The following EIF1 variants were observed in gnomAD, a reference collection of about 807,000 sequenced individuals.
EIF1 encodes the protein protein translation factor SUI1 homolog.
Under a neutral mutation model 13.7 loss-of-function variants are expected in EIF1, and 4 were observed. The observed-to-expected ratio is 0.29, with a 90% CI of 0.14 to 0.67. The LOEUF is 0.67. Among genes scored for constraint, EIF1 ranks in the 30% least tolerant of loss-of-function variants. The pLI, the probability that EIF1 is intolerant of heterozygous loss-of-function variation, is 0.77. For synonymous variants in EIF1, 67 were observed against 50.7 expected (o/e 1.32, Z -1.37); for missense variants, 64 against 138.0 (o/e 0.46, Z 2.69).
chr17:41,690,500 C>T (rs1910341033), intron 3 of EIF1: 2 of 548,806 alleles, frequency 3.6e-6, no homozygotes, highest in African/African-American at 1.9e-5. Flanking sequence ...AATGAATTTC[C>T]TGAGTATTAA....
Position 41,692,475 on chromosome 17 carries a change from A to G in EIF1, c.*1649A>G, listed in dbSNP as rs78995515. On this transcript the variant is annotated 3_prime_UTR_variant, in exon 4 of 4. Transcript: ENST00000469257. Reference sequence around the variant, plus strand: ...AAGGCAAAGTTCTTTCAGCACACATATCTGCATGCAGTCACGTGCTGCCTA... The same window carrying G: ...AAGGCAAAGTTCTTTCAGCACACATGTCTGCATGCAGTCACGTGCTGCCTA... The G allele has an allele frequency of 7.7e-4, 117 of 152,284 alleles. 1 individual carries two copies. The highest frequency in any genetic ancestry group is 2.7e-3 in the African/African-American group (113 of 41,548). 9.4% of individuals were successfully genotyped at this position (152,284 alleles called of 1,614,324 possible). A position where few individuals can be genotyped will look rare whatever the true frequency, so the allele number is the denominator to read the frequency against.
Position 41,690,987 on chromosome 17 carries a change from C to G in EIF1, c.*161C>G, listed in dbSNP as rs1484230036. 2.8e-6 allele frequency: 2 copies of G among 705,358 alleles called. No homozygotes were observed. The highest frequency in any genetic ancestry group is 4.8e-6 in the Non-Finnish European group (2 of 415,606). The allele number at this position is 705,358 out of a possible 1,614,324, so 43.7% of individuals were successfully genotyped here. A position where few individuals can be genotyped will look rare whatever the true frequency, so the allele number is the denominator to read the frequency against. ...TAGTGTAACTCCTTCATGCAATAAA[C>G]TGAAAAGAGCCATGCTGTCTAGTCT... On this transcript the variant is annotated 3_prime_UTR_variant, in exon 4 of 4. Transcript: ENST00000469257.
In EIF1 at chr17:41,688,978, C is replaced by A; in HGVS notation, c.-61C>A. 6.3e-7 allele frequency: 1 copy of A among 1,576,610 alleles called. No homozygotes were observed. The highest frequency in any genetic ancestry group is 8.6e-7 in the Non-Finnish European group (1 of 1,162,372). On this transcript the variant is annotated 5_prime_UTR_variant, in exon 1 of 4. Coordinates refer to ENST00000469257, the MANE Select transcript of EIF1 (RefSeq NM_005801.4). ...TCCGTTCCCCCCTGCCCGCCTTCTC[C>A]CGCCACCGCCGCCGCCGCCTTCCGC...
rs1427760911 is a variant in EIF1 at position 41,690,072 on chromosome 17, T to C, written c.196-16T>C. The C allele has an allele frequency of 3.7e-6, 6 of 1,613,788 alleles. No individual in the cohort carries two copies. The highest frequency in any genetic ancestry group is 1.3e-5 in the African/African-American group (1 of 74,942). ...TGCTCTTGCTAGGCCTAATTCGTTT[T>C]CCTTTGTGCTTGCAGAAGTTTGCCT... On this transcript the variant is annotated splice_polypyrimidine_tract_variant and intron_variant, in intron 2 of 3. Coordinates refer to ENST00000469257, the MANE Select transcript of EIF1 (RefSeq NM_005801.4).
chr17:41,690,774 C>CT lies in EIF1; in HGVS notation c.298-4dup. The CT allele has an allele frequency of 6.2e-7, 1 of 1,613,850 alleles. No homozygotes were observed. The highest frequency in any genetic ancestry group is 8.5e-7 in the Non-Finnish European group (1 of 1,179,842). ...CCCATTTAAAACTTTGCCCTTTTGT[C>CT]TTTTCAGATTGGACTGGCTAAGGAC... On this transcript the variant is annotated splice_polypyrimidine_tract_variant and splice_region_variant and intron_variant, in intron 3 of 3. Transcript: ENST00000469257.
rs1910419155 is a variant in EIF1, at chr17:41,692,593, A to G, written c.*1767A>G. ...ACTGTACCTTTTAACATTGTGTTACAATGGCCTACAAGAAGCTTGTGTGGA... is the reference window on the plus strand; with the variant it reads ...ACTGTACCTTTTAACATTGTGTTACGATGGCCTACAAGAAGCTTGTGTGGA... On this transcript the variant is annotated 3_prime_UTR_variant, in exon 4 of 4. Coordinates refer to ENST00000469257, the MANE Select transcript of EIF1 (RefSeq NM_005801.4). The G allele has an allele frequency of 6.6e-6, 1 of 152,206 alleles. No individual in the cohort carries two copies. 9.4% of individuals were successfully genotyped at this position (152,206 alleles called of 1,614,324 possible).
rs1910404044 is a variant in EIF1 at position 41,692,264 on chromosome 17, G to A, written c.*1438G>A. On this transcript the variant is annotated 3_prime_UTR_variant, in exon 4 of 4. Transcript: ENST00000469257. ...GGGCTATAACAAGGGCATTCATGCT[G>A]TGGGTTAAGATCCACAAATCGCTAG... The A allele has an allele frequency of 1.3e-5, 2 of 152,226 alleles. No homozygotes were observed. The highest frequency in any genetic ancestry group is 2.4e-5 in the African/African-American group (1 of 41,464). The allele number at this position is 152,226 out of a possible 1,614,324, so 9.4% of individuals were successfully genotyped here.
At chr17:41,689,979 AT>A (rs1427309555) in intron 2 of EIF1, 38 bp downstream of exon 2, 1 of 1,611,450 alleles carries the variant, frequency 6.2e-7, no homozygotes, top group South Asian at 1.1e-5. Flanking sequence ...GTCATAATGG[AT>A]TTGTCCACAA....
In EIF1 at chr17:41,690,853, T is replaced by C. The variant is rs1369493830; in HGVS notation, c.*27T>C. On this transcript the variant is annotated 3_prime_UTR_variant, in exon 4 of 4. Transcript: ENST00000469257. Reference sequence around the variant, plus strand: ...TGCTTGTGGCTCACTGAAGCTTAAGTGAGGATTTCCTTGCAATGAGTAGAA... The same window carrying C: ...TGCTTGTGGCTCACTGAAGCTTAAGCGAGGATTTCCTTGCAATGAGTAGAA... The C allele has an allele frequency of 2.5e-6, 4 of 1,612,406 alleles. No individual in the cohort carries two copies. The highest frequency in any genetic ancestry group is 2.7e-5 in the African/African-American group (2 of 74,878).
chr17:41,689,118 C>T (rs762006042), intron 1 of EIF1, 49 bp downstream of exon 1: 50 of 1,602,812 alleles, frequency 3.1e-5, no homozygotes, highest in Non-Finnish European at 4.1e-5. Context: ...CGGGGCCTTC[C>T]GGGCCCGGAG....
In EIF1 at chr17:41,690,884, C is replaced by T. The variant is rs546970214; in HGVS notation, c.*58C>T. 40 of 1,586,986 alleles carry T rather than the reference C, an allele frequency of 2.5e-5. No individual in the cohort carries two copies. The highest frequency in any genetic ancestry group is 8.4e-5 in the Admixed American group (5 of 59,790). On this transcript the variant is annotated 3_prime_UTR_variant, in exon 4 of 4. Coordinates refer to ENST00000469257, the MANE Select transcript of EIF1 (RefSeq NM_005801.4). ...TTTCCTTGCAATGAGTAGAATTTCC[C>T]TTCTCTCCCTTGTCACAGGTTTAAA...
intron 2 of EIF1, 39 bp downstream of exon 2, chr17:41,689,980 T>A (rs1211147374): frequency 6.2e-7 from 1 of 1,611,324 alleles, no homozygotes; most frequent in African/African-American, 1.3e-5. Flanking sequence ...TCATAATGGA[T>A]TTGTCCACAA....
rs1910274676 is a variant in EIF1, at chr17:41,688,906, C to T, written c.-133C>T. 4.6e-6 allele frequency: 4 copies of T among 877,288 alleles called. No individual in the cohort carries two copies. Among genetic ancestry groups the T allele is most frequent in the Non-Finnish European group, 7.1e-6 (4 of 559,604 alleles). The allele number at this position is 877,288 out of a possible 1,614,324, so 54.3% of individuals were successfully genotyped here. On this transcript the variant is annotated 5_prime_UTR_variant, in exon 1 of 4. Transcript: ENST00000469257. Reference sequence around the variant, plus strand: ...CTCTGCCCCAGTCACTGAGCCGCCGCCGAGGATTCAGCAGCCTCCCCCTTG... The same window carrying T: ...CTCTGCCCCAGTCACTGAGCCGCCGTCGAGGATTCAGCAGCCTCCCCCTTG...
intron 2 of EIF1, 43 bp from the exon 3 acceptor site, chr17:41,690,045 C>T: frequency 6.2e-7 from 1 of 1,610,348 alleles, no homozygotes; most frequent in Non-Finnish European, 8.5e-7. Context: ...TAAATGCGTT[C>T]ATGCTCTTGC....
At position 41,691,332 on chromosome 17, in the gene EIF1, T is replaced by C; in HGVS notation, c.*506T>C. 5.0e-6 allele frequency: 1 copy of C among 199,220 alleles called. No homozygotes were observed. The highest frequency in any genetic ancestry group is 1.0e-5 in the Non-Finnish European group (1 of 99,174). 12.3% of individuals were successfully genotyped at this position (199,220 alleles called of 1,614,324 possible). ...TGGACAGAGCTCAAAGAGGCCCTCT[T>C]ACCGCTAGCGAGGTGATAGGACATC... On this transcript the variant is annotated 3_prime_UTR_variant, in exon 4 of 4. Coordinates refer to ENST00000469257, the MANE Select transcript of EIF1 (RefSeq NM_005801.4).
rs1268180383 is a variant in EIF1, at chr17:41,689,137, CG to C, written c.31+71del. 1.1e-5 allele frequency: 17 copies of C among 1,566,960 alleles called. No homozygotes were observed. In the South Asian group the frequency reaches 1.8e-4, roughly 16 times the overall value. ...GCCTTCCGGGCCCGGAGACGTGTTC[CG>C]GGAAGTTGCCAAGCGCTCCGGGCCT... On this transcript the variant is annotated intron_variant, in intron 1 of 3. Transcript: ENST00000469257.
In EIF1 at chr17:41,688,889, C is replaced by A; in HGVS notation, c.-150C>A. 1.4e-6 allele frequency: 1 copy of A among 739,442 alleles called. No individual in the cohort carries two copies. The highest frequency in any genetic ancestry group is 3.2e-4 in the Middle Eastern group (1 of 3,088). The allele number at this position is 739,442 out of a possible 1,614,324, so 45.8% of individuals were successfully genotyped here. ...AAACACAGGCACCGCCCCTCTGCCC[C>A]AGTCACTGAGCCGCCGCCGAGGATT... On this transcript the variant is annotated 5_prime_UTR_variant, in exon 1 of 4. Transcript: ENST00000469257.
rs1349353489 is a variant in EIF1, at chr17:41,689,880, C to T, written c.134C>T (p.Thr45Ile). The T allele has an allele frequency of 1.2e-6, 2 of 1,614,024 alleles. No homozygotes were observed. Among genetic ancestry groups the T allele is most frequent in the South Asian group, 1.1e-5 (1 of 91,068 alleles). ...IQQRNGRKTLTTVQGIADDYD... is the reference protein window; with the variant it reads ...IQQRNGRKTLITVQGIADDYD... Reference sequence around the variant, plus strand: ...CAGAGAAACGGCAGGAAGACCCTTACTACTGTCCAAGGGATCGCTGATGAT... The same window carrying T: ...CAGAGAAACGGCAGGAAGACCCTTATTACTGTCCAAGGGATCGCTGATGAT... Residue 45 changes from threonine to isoleucine, a missense_variant, in exon 2 of 4, where the codon ACT (threonine) becomes ATT (isoleucine). Physicochemically the swap from Thr to Ile is moderately conservative, Grantham distance 89 (BLOSUM62 -1). Transcript: ENST00000469257.
At position 41,690,856 on chromosome 17, in the gene EIF1, G is replaced by GTAA. The variant is rs1910355601; in HGVS notation, c.*30_*31insTAA. 1.2e-6 allele frequency: 2 copies of GTAA among 1,611,830 alleles called. No individual in the cohort carries two copies. Among genetic ancestry groups the GTAA allele is most frequent in the African/African-American group, 2.7e-5 (2 of 74,844 alleles). On this transcript the variant is annotated 3_prime_UTR_variant, in exon 4 of 4. Coordinates refer to ENST00000469257, the MANE Select transcript of EIF1 (RefSeq NM_005801.4). ...TTGTGGCTCACTGAAGCTTAAGTGA[G>GTAA]GATTTCCTTGCAATGAGTAGAATTT...
Sources: gnomAD v4.1 joint callset for allele counts on GRCh38, gnomAD v4.1.1 for gene constraint, MANE v1.5 for transcripts, NCBI Gene and HGNC (gene_info 2026-07-23, HGNC 2026-07-21) for gene names.